POLR3G: variants seen among roughly 807,000 people sequenced by gnomAD.
POLR3G encodes RNA polymerase III subunit G.
Under a neutral mutation model 30.1 loss-of-function variants are expected in POLR3G, and 28 were observed. The observed-to-expected ratio is 0.93, with a 90% CI of 0.69 to 1.27. The LOEUF is 1.27. Ranked by LOEUF, POLR3G falls within the 50% of genes most tolerant of loss-of-function variation. POLR3G has a pLI of 0.00. For missense variants in POLR3G, 254 were observed against 264.6 expected (o/e 0.96, Z 0.28); for synonymous variants, 79 against 82.5 (o/e 0.96, Z 0.23).
chr5:90,489,767 C>T lies in POLR3G; in HGVS notation c.247+1638C>T, dbSNP rs1435482056. ...ATCTTTTCTCTATGACACAGATGCA[C>T]TTAGGTGAATGTGGTTGTTATTAAA... On this transcript the variant is annotated intron_variant, in intron 3 of 7. Transcript: ENST00000651687. 2.6e-5 allele frequency among the ~76,000 whole-genome samples: 4 copies of T among 151,994 alleles called. No individual in the cohort carries two copies. The East Asian group carries it at 7.7e-4, about 29-fold the overall frequency.
chr5:90,482,188 A>C (rs1751157354), intron 1 of POLR3G, among the ~76,000 whole-genome samples: 1 of 152,260 alleles, frequency 6.6e-6, no homozygotes. Flanking sequence ...ATGTAAAACT[A>C]TGAAACCCAA....
At chr5:90,505,889 A>G (rs1295622518) in intron 6 of POLR3G, among the ~76,000 whole-genome samples, 2 of 152,210 alleles carry the variant, frequency 1.3e-5, no homozygotes, top group Non-Finnish European at 2.9e-5. Flanking sequence ...AAAACAAAAT[A>G]ACATTCTAAA....
chr5:90,475,542 G>A (rs933655309), intron 1 of POLR3G, among the ~76,000 whole-genome samples: 3 of 151,192 alleles, frequency 2.0e-5, no homozygotes, highest in African/African-American at 7.3e-5. Flanking sequence ...AGAGAGTAAA[G>A]CGAGTTGGTA....
chr5:90,511,701 T>C (rs897607015), intron 7 of POLR3G, among the ~76,000 whole-genome samples: 5 of 152,068 alleles, frequency 3.3e-5, no homozygotes, highest in Non-Finnish European at 5.9e-5. Context: ...AGTACTGGTG[T>C]AGTCTAATGG....
intron 1 of POLR3G, among the ~76,000 whole-genome samples, chr5:90,480,844 T>C: frequency 6.6e-6 from 1 of 152,170 alleles, no homozygotes; most frequent in East Asian, 1.9e-4. Flanking sequence ...GAGTGAAAGG[T>C]GTGACCCCTT....
chr5:90,488,086 G>T lies in POLR3G; in HGVS notation c.204G>T (p.Met68Ile). The T allele has an allele frequency of 6.2e-7, 1 of 1,611,408 alleles. No individual in the cohort carries two copies. Among genetic ancestry groups the T allele is most frequent in the Non-Finnish European group, 8.5e-7 (1 of 1,178,824 alleles). Residue 68 changes from methionine (M) to isoleucine (I), a missense_variant, in exon 3 of 8, where the codon ATG (methionine) becomes ATT (isoleucine). Met to Ile is a conservative substitution (Grantham distance 10, BLOSUM62 1). Transcript: ENST00000651687. ...TGAAACAGGAGTTGAGAGAAACAAT[G>T]AAAAGAATGCCTTATTTTATTGAAA... Reference protein sequence around the residue: ...LALKQELRETMKRMPYFIETP... With the variant: ...LALKQELRETIKRMPYFIETP...
upstream of POLR3G, chr5:90,474,457 G>A: frequency 1.5e-6 from 1 of 647,568 alleles, no homozygotes; most frequent in South Asian, 1.9e-5. Context: ...ATAGGAGGAG[G>A]AAGGACGCAG....
chr5:90,495,185 G>T (rs1012757055), intron 3 of POLR3G, among the ~76,000 whole-genome samples: 4 of 152,086 alleles, frequency 2.6e-5, no homozygotes, highest in Non-Finnish European at 4.4e-5. Flanking sequence ...TATATATTTG[G>T]TCCTTGATTT....
chr5:90,495,730 C>T lies in POLR3G; in HGVS notation c.301C>T (p.Pro101Ser). 6.3e-7 allele frequency: 1 copy of T among 1,595,790 alleles called. No homozygotes were observed. The highest frequency in any genetic ancestry group is 8.5e-7 in the Non-Finnish European group (1 of 1,172,158). The change falls in exon 4 of 8, where the codon CCA becomes TCA. Residue 101 changes from proline to serine, a missense_variant. Physicochemically the swap from Pro to Ser is moderately conservative, Grantham distance 74. Transcript: ENST00000651687. ...YMKVYKEEWI[P>S]DWRRLPREMM... ...GAAGGTATACAAGGAAGAATGGATA[C>T]CAGGTAACTACAAAACACACAATAT...
chr5:90,501,938 G>A lies in POLR3G; in HGVS notation c.388G>A (p.Gly130Ser), dbSNP rs1418714751. The change falls in exon 6 of 8, where the codon GGC becomes AGC. Residue 130 changes from glycine to serine, a missense_variant. Physicochemically the swap from Gly to Ser is moderately conservative, Grantham distance 56. Transcript: ENST00000651687. ...AAAACCCAAAAAGGCAAAAGACGCA[G>A]GCAAAGGCACACCACTCACTAATAC... ...GPKPKKAKDA[G>S]KGTPLTNTED... 1 of 1,613,356 alleles carries A rather than the reference G, an allele frequency of 6.2e-7. No individual in the cohort carries two copies. The highest frequency in any genetic ancestry group is 8.5e-7 in the Non-Finnish European group (1 of 1,179,664).
At chr5:90,488,557 G>A (rs1417716481) in intron 3 of POLR3G, among the ~76,000 whole-genome samples, 1 of 151,716 alleles carries the variant, frequency 6.6e-6, no homozygotes, top group African/African-American at 2.4e-5. Flanking sequence ...ATTATTCTTG[G>A]AAAACATGAC....
chr5:90,506,737 T>G, intron 7 of POLR3G, 63 bp downstream of exon 7: 2 of 1,493,794 alleles, frequency 1.3e-6, no homozygotes, highest in Non-Finnish European at 1.8e-6. Context: ...GAATCAGATA[T>G]AGAGTATGTA....
intron 5 of POLR3G, among the ~76,000 whole-genome samples, chr5:90,498,576 G>A (rs1422459090): frequency 1.3e-5 from 2 of 152,230 alleles, no homozygotes; most frequent in African/African-American, 4.8e-5. Context: ...CTTTAGTTAT[G>A]GAATTGTGGA....
rs201346331 is a variant in POLR3G, at chr5:90,512,039, A to G, written c.586-14A>G. 9 of 1,531,570 alleles carry G rather than the reference A, an allele frequency of 5.9e-6. No homozygotes were observed. The highest frequency in any genetic ancestry group is 7.2e-6 in the Non-Finnish European group (8 of 1,105,720). 94.9% of individuals were successfully genotyped at this position (1,531,570 alleles called of 1,614,324 possible). ...CATTTTAACGTTTACAAAGGAATATATCATTTCACTTAGGAAAATGACTAC... is the reference window on the plus strand; with the variant it reads ...CATTTTAACGTTTACAAAGGAATATGTCATTTCACTTAGGAAAATGACTAC... On this transcript the variant is annotated splice_polypyrimidine_tract_variant and intron_variant, in intron 7 of 7. Coordinates refer to ENST00000651687, the MANE Select transcript of POLR3G (RefSeq NM_006467.3).
chr5:90,510,524 C>T (rs974538253), intron 7 of POLR3G, among the ~76,000 whole-genome samples: 1 of 152,162 alleles, frequency 6.6e-6, no homozygotes, highest in African/African-American at 2.4e-5. Context: ...TATTCATCTC[C>T]ACTTTATGTA....
At chr5:90,497,817 T>C in intron 5 of POLR3G, 111 bp downstream of exon 5, 1 of 1,288,626 alleles carries the variant, frequency 7.8e-7, no homozygotes, top group Non-Finnish European at 1.0e-6. Flanking sequence ...ATGCTTTTCT[T>C]ATTTTGAGCC....
chr5:90,487,093 A>T (rs1259421604), intron 2 of POLR3G, among the ~76,000 whole-genome samples: 2 of 152,162 alleles, frequency 1.3e-5, no homozygotes, highest in African/African-American at 4.8e-5. Flanking sequence ...TGTGTGTATA[A>T]TTTTTAAAAC....
At chr5:90,494,442 G>T (rs1251356973) in intron 3 of POLR3G, among the ~76,000 whole-genome samples, 1 of 152,172 alleles carries the variant, frequency 6.6e-6, no homozygotes, top group Non-Finnish European at 1.5e-5. Context: ...TGGTAACTCT[G>T]TATTTCACAT....
chr5:90,506,724 A>G, intron 7 of POLR3G, 50 bp downstream of exon 7: 4 of 1,550,146 alleles, frequency 2.6e-6, no homozygotes, highest in Non-Finnish European at 2.6e-6. Context: ...TTTATCTAAT[A>G]AGGAATCAGA....
Sources: allele counts gnomAD v4.1 joint callset (sites outside exome capture counted in the v4.1 genomes callset), GRCh38; gene constraint gnomAD v4.1.1; transcripts MANE v1.5; gene names NCBI Gene and HGNC (gene_info 2026-07-23, HGNC 2026-07-21).